Variants in SH3PXD2A observed in about 807,000 individuals in gnomAD.
The protein encoded by SH3PXD2A is SH3 and PX domain-containing protein 2A.
In SH3PXD2A, 32 loss-of-function variants were observed where a neutral mutation model predicts 115.2. The observed-to-expected ratio is 0.28, with a 90% CI of 0.21 to 0.37. SH3PXD2A has a LOEUF of 0.37. Ranked by LOEUF, SH3PXD2A falls within the 10% of genes least tolerant of loss-of-function variation. The pLI is 1.00. For missense variants in SH3PXD2A, 1,328 were observed against 1,498.7 expected (o/e 0.89, Z 1.88); for synonymous variants, 610 against 629.1 (o/e 0.97, Z 0.45).
At position 103,613,642 on chromosome 10, in the gene SH3PXD2A, C is replaced by T. The variant is rs556412046; in HGVS notation, c.921-452G>A. Among the ~76,000 whole-genome samples, 488 of 152,300 alleles carry T rather than the reference C, an allele frequency of 3.2e-3. 4 individuals are homozygous for T. Among genetic ancestry groups the T allele is most frequent in the African/African-American group, 0.011 (470 of 41,550 alleles). The stretch of plus-strand genomic sequence containing the variant: ...GTATTATTAGAGAGGGAATTGACTC[C>T]AGAAGGTGAGAGTCAGGCAGTCTGA... On this transcript the variant is annotated intron_variant, in intron 11 of 14. Coordinates refer to ENST00000369774, the MANE Select transcript of SH3PXD2A (RefSeq NM_001394015.1).
chr10:103,852,732 G>C (rs556389575), intron 1 of SH3PXD2A, among the ~76,000 whole-genome samples: 1 of 152,168 alleles, frequency 6.6e-6, no homozygotes, highest in African/African-American at 2.4e-5. Flanking sequence ...TGTCCCACCA[G>C]GCCCTTTCTA....
intron 14 of SH3PXD2A, 61 bp downstream of exon 14, chr10:103,605,737 A>G (rs1290522230): frequency 6.2e-7 from 1 of 1,607,824 alleles, no homozygotes; most frequent in African/African-American, 1.3e-5. Context: ...TAAAATGGGA[A>G]ATGCAGTAGG....
At chr10:103,653,843 C>T (rs537862525) in intron 8 of SH3PXD2A, among the ~76,000 whole-genome samples, 34 of 152,198 alleles carry the variant, frequency 2.2e-4, no homozygotes, top group African/African-American at 6.7e-4. Context: ...CCACACAGCC[C>T]GGAGGGCTTG....
At chr10:103,801,240 C>T in intron 2 of SH3PXD2A, 42 bp downstream of exon 2, 1 of 1,245,296 alleles carries the variant, frequency 8.0e-7, no homozygotes, top group South Asian at 1.2e-5. Context: ...GGCCAGCCCA[C>T]CAGAGAGACT....
At chr10:103,737,481 C>T (rs916047161) in intron 3 of SH3PXD2A, among the ~76,000 whole-genome samples, 28 of 152,096 alleles carry the variant, frequency 1.8e-4, no homozygotes, top group African/African-American at 6.5e-4. Context: ...GTTTTGGAGG[C>T]GATCCCAAGA....
chr10:103,812,076 A>G (rs906654055), intron 1 of SH3PXD2A, among the ~76,000 whole-genome samples: 1 of 152,252 alleles, frequency 6.6e-6, no homozygotes, highest in Non-Finnish European at 1.5e-5. Context: ...CCCACTTTGC[A>G]ATCACAGAGT....
rs777157238 is a variant in SH3PXD2A, at chr10:103,801,383, C to G, written c.73-21G>C. The G allele has an allele frequency of 5.3e-6, 8 of 1,511,312 alleles. No homozygotes were observed. The Admixed American group carries it at 1.2e-4, about 22-fold the overall frequency. The allele number at this position is 1,511,312 out of a possible 1,614,324, so 93.6% of individuals were successfully genotyped here. ...TATACCTGTGGGAAAAAGGTAAGAG[C>G]AGGTGAGCAAGGCTGGATTTCAAGC... is the stretch of plus-strand genomic sequence containing the variant. On this transcript the variant is annotated intron_variant, in intron 1 of 14. Coordinates refer to ENST00000369774, the MANE Select transcript of SH3PXD2A (RefSeq NM_001394015.1).
intron 6 of SH3PXD2A, among the ~76,000 whole-genome samples, chr10:103,680,970 T>G (rs2037600992): frequency 6.6e-6 from 1 of 152,230 alleles, no homozygotes; most frequent in African/African-American, 2.4e-5. Flanking sequence ...TCCGCCGGCT[T>G]TGTCATCACT....
At chr10:103,709,360 C>T (rs1400122312) in intron 5 of SH3PXD2A, among the ~76,000 whole-genome samples, 1 of 152,208 alleles carries the variant, frequency 6.6e-6, no homozygotes, top group Non-Finnish European at 1.5e-5. Flanking sequence ...CTGGACTGCA[C>T]AACCTGCAAA....
intron 7 of SH3PXD2A, among the ~76,000 whole-genome samples, chr10:103,668,290 C>T (rs2037410578): frequency 6.6e-6 from 1 of 152,268 alleles, no homozygotes; most frequent in South Asian, 2.1e-4. Context: ...GGGATGGCTT[C>T]CCCTTAGGGA....
chr10:103,848,560 G>A (rs1271410403), intron 1 of SH3PXD2A, among the ~76,000 whole-genome samples: 2 of 152,186 alleles, frequency 1.3e-5, no homozygotes, highest in South Asian at 2.1e-4. Flanking sequence ...CTGGCCCTGA[G>A]CTTTCCTGTC....
chr10:103,807,303 G>C (rs538727520), intron 1 of SH3PXD2A, among the ~76,000 whole-genome samples: 154 of 152,296 alleles, frequency 1.0e-3, no homozygotes, highest in African/African-American at 3.5e-3. Context: ...TTGCCCCCTT[G>C]GCTACAAAAT....
At chr10:103,686,748 T>C (rs1014358837) in intron 6 of SH3PXD2A, among the ~76,000 whole-genome samples, 1 of 148,264 alleles carries the variant, frequency 6.7e-6, no homozygotes, top group Non-Finnish European at 1.5e-5. Flanking sequence ...CTGGGGAATT[T>C]TTTTTTTTTT....
rs749185172 is a variant in SH3PXD2A at position 103,602,023 on chromosome 10, C to A, written c.3195G>T (p.Lys1065Asn). 1.2e-6 allele frequency: 2 copies of A among 1,613,008 alleles called. No homozygotes were observed. The highest frequency in any genetic ancestry group is 1.7e-6 in the Non-Finnish European group (2 of 1,179,344). Residue 1065 changes from lysine (K) to asparagine (N), a missense_variant, in exon 15 of 15, where the codon AAG becomes AAT. Coordinates refer to ENST00000369774, the MANE Select transcript of SH3PXD2A (RefSeq NM_001394015.1). ...TGAGGTTATTGTGGATGAACTGAGA[C>A]TTCTCGATGGGCTTGGGGCGCACAG... ...VSPVRPKPIE[K>N]SQFIHNNLKD...
At chr10:103,741,857 G>A (rs555411750) in intron 3 of SH3PXD2A, among the ~76,000 whole-genome samples, 7 of 152,296 alleles carry the variant, frequency 4.6e-5, no homozygotes, top group African/African-American at 1.7e-4. Context: ...AAAATAACAG[G>A]AATTTGGCAG....
At position 103,602,569 on chromosome 10, in the gene SH3PXD2A, C is replaced by G. The variant is rs2036234706; in HGVS notation, c.2649G>C (p.Gly883=). ...GGGAAGGGGCCCAGCCCTCCAGCTC[C>G]CCAAACCTCACATACCACCACCCGC... ...QESGWWYVRF[G]ELEGWAPSHY... The change falls in exon 15 of 15, where the codon GGG becomes GGC. Residue 883 remains glycine, a synonymous_variant. Coordinates refer to ENST00000369774, the MANE Select transcript of SH3PXD2A (RefSeq NM_001394015.1). 1 of 1,614,064 alleles carries G rather than the reference C, an allele frequency of 6.2e-7. No individual in the cohort carries two copies. The highest frequency in any genetic ancestry group is 1.3e-5 in the African/African-American group (1 of 74,918).
intron 5 of SH3PXD2A, among the ~76,000 whole-genome samples, chr10:103,697,113 C>A (rs1001586485): frequency 6.6e-6 from 1 of 152,134 alleles, no homozygotes; most frequent in African/African-American, 2.4e-5. Flanking sequence ...CGGAGGCCTC[C>A]AGTTCAAATC....
chr10:103,606,177 TATCATCATCATCATC>T (rs56654395), intron 13 of SH3PXD2A, among the ~76,000 whole-genome samples: 47 of 142,826 alleles, frequency 3.3e-4, no homozygotes, highest in East Asian at 2.1e-3. Flanking sequence ...TTACTATTAC[TATCATCATCATCATC>T]ATCATCATCA....
chr10:103,691,244 T>C (rs754288172), intron 6 of SH3PXD2A, among the ~76,000 whole-genome samples: 1 of 152,230 alleles, frequency 6.6e-6, no homozygotes, highest in Non-Finnish European at 1.5e-5. Context: ...TGCTGAGAAC[T>C]GATACTTGTA....
Sources: gnomAD v4.1 joint callset for allele counts (sites outside exome capture counted in the v4.1 genomes callset) on GRCh38, gnomAD v4.1.1 for gene constraint, MANE v1.5 for transcripts, NCBI Gene and HGNC (gene_info 2026-07-23, HGNC 2026-07-21) for gene names.